The following PRR16 variants were observed in gnomAD, a reference collection of about 807,000 sequenced individuals.
The protein encoded by PRR16 is protein Largen.
A neutral mutation model predicts 18.2 loss-of-function variants in PRR16; 6 were observed. The observed-to-expected ratio is 0.33, with a 90% CI of 0.18 to 0.65. The LOEUF (loss-of-function observed/expected upper bound fraction) is 0.65. Among genes scored for constraint, PRR16 ranks in the 30% least tolerant of loss-of-function variants. The pLI is 0.74. For synonymous variants in PRR16, 151 were observed against 147.8 expected, an observed-to-expected ratio of 1.02 and a Z score of -0.16; for missense variants, 412 against 376.6, an observed-to-expected ratio of 1.09 and a Z score of -0.78.
At chr5:120,546,253 G>A (rs1328721344) in intron 1 of PRR16, among the ~76,000 whole-genome samples, 1 of 152,028 alleles carries the variant, frequency 6.6e-6, no homozygotes, top group Non-Finnish European at 1.5e-5. Flanking sequence ...AGTGGGAATG[G>A]TTATATACAT....
intron 1 of PRR16, among the ~76,000 whole-genome samples, chr5:120,591,614 G>A (rs1271453890): frequency 6.6e-6 from 1 of 151,828 alleles, no homozygotes; most frequent in East Asian, 1.9e-4. Flanking sequence ...GTGGTTTTAA[G>A]TAGAAACAAA....
the PRR16 span, among the ~76,000 whole-genome samples, chr5:120,703,115 A>T: frequency 3.3e-5 from 5 of 152,098 alleles, no homozygotes; most frequent in African/African-American, 1.2e-4. Context: ...TCGGTAAAGG[A>T]AAATTACAGT....
chr5:120,671,574 T>A (rs565790987), intron 1 of PRR16, among the ~76,000 whole-genome samples: 14 of 152,290 alleles, frequency 9.2e-5, no homozygotes, highest in Admixed American at 9.2e-4. Context: ...CTAAGATAAT[T>A]TAAGCAAATA....
intron 1 of PRR16, among the ~76,000 whole-genome samples, chr5:120,666,703 T>C (rs1478345792): frequency 2.0e-5 from 3 of 148,618 alleles, no homozygotes; most frequent in Non-Finnish European, 4.5e-5. Flanking sequence ...CTTTTCTGCA[T>C]CTATTGAGAT....
rs146554786 is a variant in PRR16 at position 120,469,228 on chromosome 5, T to C, written c.159+4583T>C. ...CTTAACCACTTGATGTTCTATAGTT[T>C]ATTGTCTGGAAATTCCTACCGAGTA... On this transcript the variant is annotated intron_variant, in intron 1 of 1. Coordinates refer to ENST00000407149, the MANE Select transcript of PRR16 (RefSeq NM_001300783.2). Among the ~76,000 whole-genome samples the C allele has an allele frequency of 4.4e-3, 676 of 152,344 alleles. 18 individuals are homozygous for C. The highest frequency in any genetic ancestry group is 0.04 in the Admixed American group (614 of 15,306).
At chr5:120,768,301 C>G in the PRR16 span, among the ~76,000 whole-genome samples, 6 of 151,674 alleles carry the variant, frequency 4.0e-5, no homozygotes, top group Non-Finnish European at 5.9e-5. Context: ...TTTAAAGAAA[C>G]AGTGCTAGCT....
the PRR16 span, among the ~76,000 whole-genome samples, chr5:120,789,490 TCTGG>T: frequency 6.6e-6 from 1 of 152,148 alleles, no homozygotes; most frequent in Non-Finnish European, 1.5e-5. Flanking sequence ...CCTTTTTTAA[TCTGG>T]TAATAAGTTT....
At chr5:120,755,395 T>A in the PRR16 span, among the ~76,000 whole-genome samples, 37,646 of 151,848 alleles carry the variant, frequency 0.25, 4,973 homozygotes, top group Non-Finnish European at 0.29. Flanking sequence ...CATTCCTTCC[T>A]CCCATCAGTC....
At chr5:120,623,177 G>A (rs1442653163) in intron 1 of PRR16, among the ~76,000 whole-genome samples, 1 of 152,112 alleles carries the variant, frequency 6.6e-6, no homozygotes, top group Non-Finnish European at 1.5e-5. Flanking sequence ...ATAGTCATTA[G>A]ATTCCTCAGT....
intron 1 of PRR16, among the ~76,000 whole-genome samples, chr5:120,568,797 A>G (rs1752814253): frequency 6.6e-6 from 1 of 152,150 alleles, no homozygotes; most frequent in East Asian, 1.9e-4. Context: ...AATTGTCTAA[A>G]TCACTACATT....
At chr5:120,494,330 G>T (rs1210741457) in intron 1 of PRR16, among the ~76,000 whole-genome samples, 1 of 151,856 alleles carries the variant, frequency 6.6e-6, no homozygotes. Flanking sequence ...TAGCGTCTCT[G>T]GGTCTGTTCA....
chr5:120,564,769 G>A (rs1198327545), intron 1 of PRR16, among the ~76,000 whole-genome samples: 3 of 151,974 alleles, frequency 2.0e-5, no homozygotes, highest in Non-Finnish European at 2.9e-5. Flanking sequence ...GGCGGATCAC[G>A]AGGTCAGGAG....
intron 1 of PRR16, among the ~76,000 whole-genome samples, chr5:120,487,445 G>C (rs1038281250): frequency 3.3e-5 from 5 of 152,112 alleles, no homozygotes; most frequent in African/African-American, 7.2e-5. Context: ...TTGGCTCTCT[G>C]TTTGTCTGTT....
chr5:120,490,950 G>C (rs893015489), intron 1 of PRR16, among the ~76,000 whole-genome samples: 1 of 152,176 alleles, frequency 6.6e-6, no homozygotes, highest in Non-Finnish European at 1.5e-5. Context: ...TATCAGCAGC[G>C]GAGGCTGCAC....
chr5:120,659,075 A>G (rs890203993), intron 1 of PRR16, among the ~76,000 whole-genome samples: 4 of 151,808 alleles, frequency 2.6e-5, no homozygotes, highest in African/African-American at 7.3e-5. Flanking sequence ...TTTGATTCCA[A>G]GTCTTTCATG....
the PRR16 span, among the ~76,000 whole-genome samples, chr5:120,752,592 T>C: frequency 6.6e-6 from 1 of 152,042 alleles, no homozygotes; most frequent in East Asian, 1.9e-4. Context: ...CTATGTGAAA[T>C]GATACCATTA....
At chr5:120,619,829 T>C (rs1754630132) in intron 1 of PRR16, among the ~76,000 whole-genome samples, 1 of 151,922 alleles carries the variant, frequency 6.6e-6, no homozygotes, top group Admixed American at 6.6e-5. Flanking sequence ...AAAAAAGAAA[T>C]ATAAAGATTA....
chr5:120,618,551 A>G (rs1754586859), intron 1 of PRR16: 1 of 949,244 alleles, frequency 1.1e-6, no homozygotes, highest in Non-Finnish European at 1.3e-6. Context: ...TTCTCAATCA[A>G]ATTCTACTTC....
chr5:120,770,609 G>T, the PRR16 span, among the ~76,000 whole-genome samples: 2 of 151,732 alleles, frequency 1.3e-5, no homozygotes, highest in African/African-American at 4.8e-5. Flanking sequence ...CAAAACAAAA[G>T]GAATAATCAA....
Sources: allele counts gnomAD v4.1 joint callset (sites outside exome capture counted in the v4.1 genomes callset), GRCh38; gene constraint gnomAD v4.1.1; transcripts MANE v1.5; gene names NCBI Gene and HGNC (gene_info 2026-07-23, HGNC 2026-07-21).